Variants in MIIP observed in about 807,000 individuals in gnomAD.
MIIP encodes the protein migration and invasion-inhibitory protein.
In MIIP, 44 loss-of-function variants were observed where a neutral mutation model predicts 44.8. The ratio of observed to expected loss-of-function variants is 0.98; its 90% CI spans 0.77 to 1.26. MIIP has a LOEUF of 1.26. Among genes scored for constraint, MIIP ranks in the 50% most tolerant of loss-of-function variants. The probability of loss-of-function intolerance (pLI) is 0.00; values close to 1 mark genes in which losing one functional copy is unlikely to be tolerated. For synonymous variants in MIIP, 225 were observed against 218.3 expected (o/e 1.03, Z -0.27); for missense variants, 496 against 511.7 (o/e 0.97, Z 0.30).
At chr1:12,029,958 GATGGGCCTGGGC>G in intron 7 of MIIP, 58 bp from the exon 8 acceptor site, 1 of 1,609,196 alleles carries the variant, frequency 6.2e-7, no homozygotes, top group Admixed American at 1.7e-5. Flanking sequence ...TTTAAGAAAA[GATGGGCCTGGGC>G]GTGGGCCCCC....
At chr1:12,026,897 A>G (rs1640114719) in intron 4 of MIIP, among the ~76,000 whole-genome samples, 1 of 151,172 alleles carries the variant, frequency 6.6e-6, no homozygotes, top group Non-Finnish European at 1.5e-5. Flanking sequence ...TTTAGCCCAC[A>G]TTTGCTTCCA....
intron 1 of MIIP, among the ~76,000 whole-genome samples, chr1:12,020,645 G>A (rs575057761): frequency 1.2e-4 from 19 of 152,038 alleles, no homozygotes; most frequent in African/African-American, 4.6e-4. Flanking sequence ...TGAGTAGCTG[G>A]GATTACTGGC....
Position 12,029,300 on chromosome 1 carries a change from C to G in MIIP, c.715+19C>G, listed in dbSNP as rs1359445600. 6.2e-7 allele frequency: 1 copy of G among 1,610,156 alleles called. No individual in the cohort carries two copies. The highest frequency in any genetic ancestry group is 8.5e-7 in the Non-Finnish European group (1 of 1,178,530). Reference sequence around the variant, plus strand: ...CATGAATGTGAGTGCGGGCCCTCGGCTAGGCCGCTGAGTAGTCCAGCCTCG... The same window carrying G: ...CATGAATGTGAGTGCGGGCCCTCGGGTAGGCCGCTGAGTAGTCCAGCCTCG... On this transcript the variant is annotated intron_variant, in intron 6 of 9. Coordinates refer to ENST00000235332, the MANE Select transcript of MIIP (RefSeq NM_021933.4).
At chr1:12,031,659 G>A in intron 9 of MIIP, 63 bp from the exon 10 acceptor site, 2 of 1,613,728 alleles carry the variant, frequency 1.2e-6, no homozygotes, top group Non-Finnish European at 1.7e-6. Context: ...GAATGTGGCT[G>A]GAACTGGGGA....
rs113368883 is a variant in MIIP, at chr1:12,029,108, C to G, written c.623C>G (p.Thr208Ser). 1.4e-5 allele frequency: 22 copies of G among 1,614,184 alleles called. No homozygotes were observed. The African/African-American group carries it at 2.7e-4, about 20-fold the overall frequency. The change falls in exon 5 of 10, where the codon ACC (threonine) becomes AGC (serine). Residue 208 changes from threonine (T) to serine (S), a missense_variant. Physicochemically the swap from Thr to Ser is moderately conservative, Grantham distance 58 (BLOSUM62 1). Transcript: ENST00000235332. ...FFSKLQEFRE[T>S]NKEECICSHP... ...TCCAAGCTGCAGGAGTTTCGGGAAA[C>G]CAACAAGGAGGAGTGTATCTGCAGC...
At chr1:12,029,649 G>T in intron 6 of MIIP, 116 bp from the exon 7 acceptor site, 1 of 1,431,512 alleles carries the variant, frequency 7.0e-7, no homozygotes, top group Non-Finnish European at 9.5e-7. Context: ...ATGGGCCGAA[G>T]GGCTTCCCAG....
intron 4 of MIIP, among the ~76,000 whole-genome samples, chr1:12,026,525 G>C (rs1640107618): frequency 6.6e-6 from 1 of 152,196 alleles, no homozygotes; most frequent in South Asian, 2.1e-4. Context: ...CCCTGGCCCT[G>C]CTCCAGCGTG....
chr1:12,024,483 C>T (rs1259951824), intron 4 of MIIP, among the ~76,000 whole-genome samples: 11 of 152,238 alleles, frequency 7.2e-5, no homozygotes, highest in South Asian at 2.1e-4. Flanking sequence ...GCGTGATCTC[C>T]GCTCACTGCA....
In MIIP at chr1:12,031,384, C is replaced by T. The variant is rs150213244; in HGVS notation, c.1061C>T (p.Thr354Ile). ...AEAQHQKLSG[T>I]SSPFHPASPM... ...GCCCAGCACCAGAAGCTGTCCGGCACCAGCAGCCCTTTTCACCCGGTACGG... is the reference window on the plus strand; with the variant it reads ...GCCCAGCACCAGAAGCTGTCCGGCATCAGCAGCCCTTTTCACCCGGTACGG... The change falls in exon 9 of 10, where the codon ACC (threonine) becomes ATC (isoleucine). Residue 354 changes from threonine (T) to isoleucine (I), a missense_variant. Coordinates refer to ENST00000235332, the MANE Select transcript of MIIP (RefSeq NM_021933.4). 1.2e-6 allele frequency: 2 copies of T among 1,613,786 alleles called. No homozygotes were observed. Among genetic ancestry groups the T allele is most frequent in the African/African-American group, 1.3e-5 (1 of 75,044 alleles).
chr1:12,023,550 C>T (rs1212552275), intron 4 of MIIP, among the ~76,000 whole-genome samples: 4 of 151,358 alleles, frequency 2.6e-5, no homozygotes, highest in Non-Finnish European at 5.9e-5. Flanking sequence ...ACTACAGGTG[C>T]CTGCCACCAC....
In MIIP at chr1:12,021,723, C is replaced by T. The variant is rs373114368; in HGVS notation, c.-4C>T. The T allele has an allele frequency of 1.4e-5, 22 of 1,612,284 alleles. No homozygotes were observed. The African/African-American group carries it at 2.7e-4, about 20-fold the overall frequency. On this transcript the variant is annotated 5_prime_UTR_variant, in exon 2 of 10. Coordinates refer to ENST00000235332, the MANE Select transcript of MIIP (RefSeq NM_021933.4). ...CAAGTGACACCTGCTGAGAGAGGCC[C>T]AGGATGGTGGAGGCTGAGGAACTGG...
In MIIP at chr1:12,021,850, C is replaced by T. The variant is rs372513197; in HGVS notation, c.114+10C>T. 1,230 of 1,589,062 alleles carry T rather than the reference C, an allele frequency of 7.7e-4. 1 individual carries two copies. Among genetic ancestry groups the T allele is most frequent in the Non-Finnish European group, 9.8e-4 (1,146 of 1,168,148 alleles). ...CAGGGCAGCCTCGGAGGTGCGTGCC[C>T]GCCTTGGGAACCCCAGAGGAAGGGG... On this transcript the variant is annotated intron_variant, in intron 2 of 9. Coordinates refer to ENST00000235332, the MANE Select transcript of MIIP (RefSeq NM_021933.4).
At chr1:12,023,230 A>G (rs61776523) in intron 4 of MIIP, among the ~76,000 whole-genome samples, 16,088 of 148,930 alleles carry the variant, frequency 0.11, 1,163 homozygotes, top group Non-Finnish European at 0.16. Context: ...CGCCCGGCTA[A>G]TTTTTGTATT....
At chr1:12,027,420 C>T (rs1640126706) in intron 4 of MIIP, among the ~76,000 whole-genome samples, 1 of 152,210 alleles carries the variant, frequency 6.6e-6, no homozygotes, top group Non-Finnish European at 1.5e-5. Context: ...TAGCCCTCAT[C>T]CACATCTTCC....
chr1:12,022,456 G>C lies in MIIP; in HGVS notation c.462+14G>C. On this transcript the variant is annotated intron_variant, in intron 3 of 9. Coordinates refer to ENST00000235332, the MANE Select transcript of MIIP (RefSeq NM_021933.4). ...AAGCTGTCCAAGGTAACGTGGGAGAGCGGGACATCTGCTGATGGGAGGAGC... is the reference window on the plus strand; with the variant it reads ...AAGCTGTCCAAGGTAACGTGGGAGACCGGGACATCTGCTGATGGGAGGAGC... The C allele has an allele frequency of 6.6e-7, 1 of 1,506,894 alleles. No individual in the cohort carries two copies. The allele number at this position is 1,506,894 out of a possible 1,614,324, so 93.3% of individuals were successfully genotyped here.
At chr1:12,029,497 G>A (rs1407363814) in intron 6 of MIIP, 5 of 691,292 alleles carry the variant, frequency 7.2e-6, no homozygotes, top group East Asian at 2.7e-5. Context: ...GGGCTGCCCT[G>A]TGTGGCACCA....
chr1:12,028,075 C>T (rs376782919), intron 4 of MIIP, among the ~76,000 whole-genome samples: 4 of 152,268 alleles, frequency 2.6e-5, no homozygotes, highest in East Asian at 1.9e-4. Context: ...GGTGTGGTGG[C>T]GCACGCCTGT....
intron 8 of MIIP, 72 bp downstream of exon 8, chr1:12,030,196 G>C: frequency 6.8e-7 from 1 of 1,466,286 alleles, no homozygotes; most frequent in Non-Finnish European, 9.5e-7. Context: ...CCCCAGGGAG[G>C]GTCACAGAGC....
At chr1:12,021,079 G>A (rs1019825724) in intron 1 of MIIP, among the ~76,000 whole-genome samples, 2 of 152,236 alleles carry the variant, frequency 1.3e-5, no homozygotes, top group African/African-American at 4.8e-5. Context: ...CCACAGACAA[G>A]TGCCACCATG....
Sources: allele counts gnomAD v4.1 joint callset (sites outside exome capture counted in the v4.1 genomes callset), GRCh38; gene constraint gnomAD v4.1.1; transcripts MANE v1.5; gene names NCBI Gene and HGNC (gene_info 2026-07-23, HGNC 2026-07-21).